The following AGBL4 variants were observed in gnomAD, a reference collection of about 807,000 sequenced individuals.
AGBL4 encodes the protein cytosolic carboxypeptidase 6.
A neutral mutation model predicts 66.4 loss-of-function variants in AGBL4; 58 were observed. That is an observed-to-expected ratio of 0.87 (90% CI 0.71 to 1.09). AGBL4 has a LOEUF of 1.09. Among genes scored for constraint, AGBL4 ranks in the 50% least tolerant of loss-of-function variants. The probability of loss-of-function intolerance (pLI) is 0.00; values close to 1 mark genes in which losing one functional copy is unlikely to be tolerated. For synonymous variants in AGBL4, 234 were observed against 222.9 expected, an observed-to-expected ratio of 1.05 and a Z score of -0.44; for missense variants, 579 against 631.0, an observed-to-expected ratio of 0.92 and a Z score of 0.88.
intron 3 of AGBL4, among the ~76,000 whole-genome samples, chr1:49,525,847 G>A (rs1650613927): frequency 6.6e-6 from 1 of 151,898 alleles, no homozygotes; most frequent in South Asian, 2.1e-4. Context: ...TAGTACTTTG[G>A]GAGGCCAAGG....
intron 2 of AGBL4, among the ~76,000 whole-genome samples, chr1:49,776,966 A>AT (rs1461066663): frequency 6.6e-6 from 1 of 152,186 alleles, no homozygotes; most frequent in Non-Finnish European, 1.5e-5. Flanking sequence ...GGAAAATAGC[A>AT]TTCTAGCACA....
intron 2 of AGBL4, among the ~76,000 whole-genome samples, chr1:49,832,883 C>G (rs1363935847): frequency 1.3e-5 from 2 of 152,002 alleles, no homozygotes; most frequent in African/African-American, 4.8e-5. Flanking sequence ...ATTGTAGATT[C>G]TGGATATTAG....
intron 1 of AGBL4, among the ~76,000 whole-genome samples, chr1:50,011,666 T>C (rs2148437625): frequency 6.6e-6 from 1 of 152,214 alleles, no homozygotes; most frequent in East Asian, 1.9e-4. Context: ...ATAAAGAAAA[T>C]GTGGTACATA....
chr1:49,292,009 A>G (rs1393887813), intron 3 of AGBL4, among the ~76,000 whole-genome samples: 2 of 152,190 alleles, frequency 1.3e-5, no homozygotes, highest in African/African-American at 4.8e-5. Context: ...TGCACTCTTG[A>G]GGGCCCAGGA....
chr1:49,075,612 C>G (rs1277070402), intron 4 of AGBL4, among the ~76,000 whole-genome samples: 1 of 152,088 alleles, frequency 6.6e-6, no homozygotes, highest in Non-Finnish European at 1.5e-5. Flanking sequence ...AAGTGCCATT[C>G]TATAAAAGCA....
At chr1:49,925,808 A>G (rs1287924481) in intron 1 of AGBL4, among the ~76,000 whole-genome samples, 6 of 152,156 alleles carry the variant, frequency 3.9e-5, no homozygotes, top group African/African-American at 1.4e-4. Context: ...TTGGTGAGGG[A>G]AGAGTGGGAA....
At chr1:49,485,003 T>C (rs1340426869) in intron 3 of AGBL4, among the ~76,000 whole-genome samples, 2 of 152,030 alleles carry the variant, frequency 1.3e-5, no homozygotes, top group Non-Finnish European at 2.9e-5. Context: ...AGATCCACTG[T>C]TGGTGGGACT....
intron 4 of AGBL4, among the ~76,000 whole-genome samples, chr1:49,111,652 TTA>T (rs1284542474): frequency 6.6e-6 from 1 of 152,216 alleles, no homozygotes; most frequent in Non-Finnish European, 1.5e-5. Context: ...CAGTTTTAAA[TTA>T]TATATGTATT....
chr1:48,724,034 C>T (rs1647191648), intron 6 of AGBL4, among the ~76,000 whole-genome samples: 1 of 152,150 alleles, frequency 6.6e-6, no homozygotes, highest in Non-Finnish European at 1.5e-5. Context: ...AGAAGATGTC[C>T]AGAGAGCCAA....
At chr1:49,407,065 CAAAAA>C (rs57974289) in intron 3 of AGBL4, among the ~76,000 whole-genome samples, 3 of 25,912 alleles carry the variant, frequency 1.2e-4, no homozygotes, top group Non-Finnish European at 2.7e-4. Context: ...ACTCTGCCTC[CAAAAA>C]AAAAAAAAAA....
intron 6 of AGBL4, among the ~76,000 whole-genome samples, chr1:48,713,537 G>C (rs1330775646): frequency 6.6e-6 from 1 of 152,156 alleles, no homozygotes; most frequent in African/African-American, 2.4e-5. Context: ...TGAAGGGTAT[G>C]GTGAGTTCTG....
At chr1:49,936,153 G>T (rs547112790) in intron 1 of AGBL4, among the ~76,000 whole-genome samples, 4 of 152,308 alleles carry the variant, frequency 2.6e-5, no homozygotes, top group South Asian at 2.1e-4. Flanking sequence ...GGAGCTGATG[G>T]AGCTGAAAGC....
At chr1:49,767,330 A>C (rs1304448114) in intron 2 of AGBL4, among the ~76,000 whole-genome samples, 2 of 152,166 alleles carry the variant, frequency 1.3e-5, no homozygotes, top group African/African-American at 4.8e-5. Flanking sequence ...AATTACATGA[A>C]AATTAAACAA....
At chr1:48,936,153 G>A (rs1655454321) in intron 5 of AGBL4, among the ~76,000 whole-genome samples, 1 of 151,442 alleles carries the variant, frequency 6.6e-6, no homozygotes, top group Non-Finnish European at 1.5e-5. Flanking sequence ...AGCTGGGTAT[G>A]GTGGTGCATG....
chr1:48,706,995 G>A (rs1646891138), intron 6 of AGBL4, among the ~76,000 whole-genome samples: 2 of 152,186 alleles, frequency 1.3e-5, no homozygotes, highest in African/African-American at 4.8e-5. Flanking sequence ...TCCTGAACTT[G>A]CCTAAAGAGT....
chr1:48,808,090 T>A (rs758297393), intron 6 of AGBL4, among the ~76,000 whole-genome samples: 5 of 152,104 alleles, frequency 3.3e-5, no homozygotes, highest in Non-Finnish European at 7.3e-5. Context: ...AGTCAGTGAG[T>A]CATTAAATAC....
chr1:49,581,251 G>A, intron 3 of AGBL4, among the ~76,000 whole-genome samples: 1 of 151,832 alleles, frequency 6.6e-6, no homozygotes, highest in Middle Eastern at 3.4e-3. Context: ...TTCTGAATTG[G>A]GTTTATGATG....
At chr1:49,193,475 TG>T (rs954307156) in intron 4 of AGBL4, among the ~76,000 whole-genome samples, 10 of 151,990 alleles carry the variant, frequency 6.6e-5, no homozygotes, top group African/African-American at 2.4e-4. Context: ...TTCAGGAGCA[TG>T]TTGTTTAATC....
chr1:49,624,270 C>T (rs2124320032), intron 3 of AGBL4, among the ~76,000 whole-genome samples: 1 of 152,200 alleles, frequency 6.6e-6, no homozygotes, highest in African/African-American at 2.4e-5. Context: ...CCCTTCAAAG[C>T]ATTTAGCACC....
Sources: gnomAD v4.1 joint callset for allele counts (sites outside exome capture counted in the v4.1 genomes callset) on GRCh38, gnomAD v4.1.1 for gene constraint, MANE v1.5 for transcripts, NCBI Gene and HGNC (gene_info 2026-07-23, HGNC 2026-07-21) for gene names.